Variants in ESYT2 observed in about 807,000 individuals in gnomAD.
ESYT2 encodes extended synaptotagmin 2, also known as extended synaptotagmin-2.
ESYT2 carries 54 observed loss-of-function variants against 107.2 expected under a neutral mutation model. The observed-to-expected ratio is 0.50, with a 90% CI of 0.40 to 0.63. ESYT2 has a LOEUF of 0.63. ESYT2 is among the 30% of genes least tolerant of loss of function. The probability of loss-of-function intolerance (pLI) is 0.00; values close to 1 mark genes in which losing one functional copy is unlikely to be tolerated. For synonymous variants in ESYT2, 491 were observed against 434.1 expected, an observed-to-expected ratio of 1.13 and a Z score of -1.63; for missense variants, 1,020 against 1,094.5, an observed-to-expected ratio of 0.93 and a Z score of 0.96.
intron 1 of ESYT2, among the ~76,000 whole-genome samples, chr7:158,815,937 T>A (rs1241929896): frequency 6.6e-6 from 1 of 152,192 alleles, no homozygotes; most frequent in Non-Finnish European, 1.5e-5. Flanking sequence ...TCCTGGCTCC[T>A]GAATACTCCA....
At chr7:158,781,622 AGT>A (rs1017188531) in intron 6 of ESYT2, among the ~76,000 whole-genome samples, 33 of 79,908 alleles carry the variant, frequency 4.1e-4, no homozygotes, top group Non-Finnish European at 1.2e-3. Flanking sequence ...TGAATGAACG[AGT>A]GTGAGAACAA....
chr7:158,764,540 G>A, intron 9 of ESYT2, 137 bp downstream of exon 9: 1 of 898,596 alleles, frequency 1.1e-6, no homozygotes, highest in Non-Finnish European at 1.7e-6. Context: ...TTTAAAGATG[G>A]GAAATTAAAC....
intron 4 of ESYT2, among the ~76,000 whole-genome samples, chr7:158,791,357 T>C (rs923205865): frequency 6.6e-6 from 1 of 152,236 alleles, no homozygotes; most frequent in Non-Finnish European, 1.5e-5. Flanking sequence ...TTCCGCCTTG[T>C]AGCTATTGTA....
In ESYT2 at chr7:158,741,529, A is replaced by T. The variant is rs758726644; in HGVS notation, c.2162T>A (p.Leu721Gln). ...CATGGTGGCACTTAGTTACTTTTCC[A>T]GCTGCCTCAGCCTTTGCCGCAGCTC... ...TQELRQRLRQ[L>Q]ENGTTLGQSP... is the part of the protein sequence containing the mutation. The change falls in exon 18 of 23, where the codon CTG (leucine) becomes CAG (glutamine). Residue 721 changes from leucine to glutamine, a missense_variant. Coordinates refer to ENST00000275418, the MANE Select transcript of ESYT2 (RefSeq NM_001367773.1). 1.9e-6 allele frequency: 3 copies of T among 1,570,176 alleles called. No homozygotes were observed. Among genetic ancestry groups the T allele is most frequent in the Non-Finnish European group, 2.6e-6 (3 of 1,165,164 alleles).
rs1404546423 is a variant in ESYT2, at chr7:158,741,634, A to C, written c.2057T>G (p.Leu686Arg). The part of the protein sequence containing the change: ...HDLGRSSSSL[L>R]ASPGHISVKE... ...GACTGAGATGTGGCCTGGGGAGGCCAGGAGGCTGGAGGAGCTTCTGCCCAG... is the reference window on the plus strand; with the variant it reads ...GACTGAGATGTGGCCTGGGGAGGCCCGGAGGCTGGAGGAGCTTCTGCCCAG... Residue 686 changes from leucine to arginine, a missense_variant, in exon 18 of 23, where the codon CTG (leucine) becomes CGG (arginine). Transcript: ENST00000275418. 1.2e-6 allele frequency: 2 copies of C among 1,613,564 alleles called. No homozygotes were observed. The highest frequency in any genetic ancestry group is 1.7e-6 in the Non-Finnish European group (2 of 1,179,980).
intron 7 of ESYT2, among the ~76,000 whole-genome samples, chr7:158,772,034 A>C (rs1303202948): frequency 6.6e-6 from 1 of 151,836 alleles, no homozygotes; most frequent in Non-Finnish European, 1.5e-5. Flanking sequence ...GGCAGGGAGA[A>C]TTGCTTGAAC....
At chr7:158,798,169 C>G (rs1342119886) in intron 2 of ESYT2, 93 bp from the exon 3 acceptor site, 3 of 1,368,520 alleles carry the variant, frequency 2.2e-6, no homozygotes, top group Non-Finnish European at 3.0e-6. Flanking sequence ...CAGACCAAAC[C>G]TGGTTTTGAA....
chr7:158,747,142 T>C (rs1332248553), intron 16 of ESYT2, among the ~76,000 whole-genome samples: 1 of 151,688 alleles, frequency 6.6e-6, no homozygotes, highest in Non-Finnish European at 1.5e-5. Context: ...GGTCAGGAGT[T>C]CAAGGCCAAG....
intron 1 of ESYT2, among the ~76,000 whole-genome samples, chr7:158,820,697 G>A (rs1485035615): frequency 6.6e-6 from 1 of 152,168 alleles, no homozygotes; most frequent in Non-Finnish European, 1.5e-5. Context: ...GAGGCGGGAG[G>A]GGTGACTGAG....
At chr7:158,774,101 A>T (rs1838468495) in intron 6 of ESYT2, among the ~76,000 whole-genome samples, 1 of 152,230 alleles carries the variant, frequency 6.6e-6, no homozygotes, top group East Asian at 1.9e-4. Context: ...CGCTTTTCCT[A>T]ACAAAACAGC....
At chr7:158,766,535 C>T (rs1838171155) in intron 8 of ESYT2, among the ~76,000 whole-genome samples, 1 of 152,156 alleles carries the variant, frequency 6.6e-6, no homozygotes, top group Non-Finnish European at 1.5e-5. Context: ...AGCGATATAA[C>T]CAATTTGAGC....
At chr7:158,781,935 G>A (rs1838846738) in intron 6 of ESYT2, among the ~76,000 whole-genome samples, 1 of 151,444 alleles carries the variant, frequency 6.6e-6, no homozygotes, top group Non-Finnish European at 1.5e-5. Context: ...AAAGGTATGA[G>A]TGTAAGAACG....
intron 6 of ESYT2, among the ~76,000 whole-genome samples, chr7:158,777,086 C>T (rs946523051): frequency 6.6e-5 from 10 of 151,792 alleles, no homozygotes; most frequent in Non-Finnish European, 4.4e-5. Flanking sequence ...TGGTCTTGAA[C>T]TCCTGACCTC....
chr7:158,746,664 T>G (rs969405811), intron 16 of ESYT2, among the ~76,000 whole-genome samples: 1 of 152,068 alleles, frequency 6.6e-6, no homozygotes, highest in Non-Finnish European at 1.5e-5. Context: ...GCTAAGCTAA[T>G]AAATTAGGGC....
chr7:158,818,761 C>T (rs529961591), intron 1 of ESYT2, among the ~76,000 whole-genome samples: 1 of 152,244 alleles, frequency 6.6e-6, no homozygotes, highest in Non-Finnish European at 1.5e-5. Context: ...AAGAGTTGGA[C>T]CTGACTCACC....
chr7:158,823,628 G>C (rs948835546), intron 1 of ESYT2, among the ~76,000 whole-genome samples: 1 of 152,012 alleles, frequency 6.6e-6, no homozygotes, highest in Admixed American at 6.6e-5. Flanking sequence ...ACCCAGCCCT[G>C]ATGTCTATAT....
chr7:158,793,588 G>C, intron 4 of ESYT2, 62 bp downstream of exon 4: 1 of 1,226,702 alleles, frequency 8.2e-7, no homozygotes. Flanking sequence ...CACCTTACAG[G>C]TACAGCTAAG....
intron 1 of ESYT2, among the ~76,000 whole-genome samples, chr7:158,802,432 C>T (rs377080764): frequency 5.6e-4 from 85 of 152,300 alleles, no homozygotes; most frequent in African/African-American, 2.0e-3. Context: ...AGGTGCCCGC[C>T]ACCACAAGTG....
At chr7:158,787,047 G>C (rs1383229262) in intron 6 of ESYT2, among the ~76,000 whole-genome samples, 1 of 152,162 alleles carries the variant, frequency 6.6e-6, no homozygotes, top group Non-Finnish European at 1.5e-5. Context: ...AACCATATGG[G>C]CAGTGTGCAC....
Sources: allele counts gnomAD v4.1 joint callset (sites outside exome capture counted in the v4.1 genomes callset), GRCh38; gene constraint gnomAD v4.1.1; transcripts MANE v1.5; gene names NCBI Gene and HGNC (gene_info 2026-07-23, HGNC 2026-07-21).